PLB1: variants seen among roughly 807,000 people sequenced by gnomAD.
The protein encoded by PLB1 is phospholipase B1, membrane-associated.
A neutral mutation model predicts 227.4 loss-of-function variants in PLB1; 242 were observed. That is an observed-to-expected ratio of 1.06 (90% CI 0.96 to 1.18). PLB1 has a LOEUF of 1.18. Among genes scored for constraint, PLB1 ranks in the 50% most tolerant of loss-of-function variants. The probability of loss-of-function intolerance (pLI) is 0.00; values close to 1 mark genes in which losing one functional copy is unlikely to be tolerated. For synonymous variants in PLB1, 757 were observed against 682.2 expected (o/e 1.11, Z -1.71); for missense variants, 1,858 against 1,816.3 (o/e 1.02, Z -0.42).
chr2:28,568,393 G>A (rs1677422893), intron 20 of PLB1, among the ~76,000 whole-genome samples: 2 of 152,210 alleles, frequency 1.3e-5, no homozygotes, highest in African/African-American at 4.8e-5. Context: ...TACCCCACAG[G>A]TGGATGACTC....
chr2:28,562,379 T>C (rs982992405), intron 17 of PLB1, among the ~76,000 whole-genome samples: 1 of 151,336 alleles, frequency 6.6e-6, no homozygotes, highest in East Asian at 1.9e-4. Context: ...CTGTCTCTAC[T>C]AAAAATACAA....
chr2:28,625,048 C>T lies in PLB1; in HGVS notation c.3528-9C>T, dbSNP rs577795705. Reference sequence around the variant, plus strand: ...GGCACTAACGCCCCTCTCTCTACCCCCCACCTAGGGACATGCCAGCCCAGG... The same window carrying T: ...GGCACTAACGCCCCTCTCTCTACCCTCCACCTAGGGACATGCCAGCCCAGG... On this transcript the variant is annotated splice_polypyrimidine_tract_variant and intron_variant, in intron 49 of 57. Coordinates refer to ENST00000327757, the MANE Select transcript of PLB1 (RefSeq NM_153021.5). 5.6e-6 allele frequency: 9 copies of T among 1,613,174 alleles called. No individual in the cohort carries two copies. Among genetic ancestry groups the T allele is most frequent in the African/African-American group, 4.0e-5 (3 of 75,022 alleles).
At chr2:28,532,656 C>T (rs754510764) in intron 9 of PLB1, among the ~76,000 whole-genome samples, 13 of 152,142 alleles carry the variant, frequency 8.5e-5, no homozygotes, top group Non-Finnish European at 1.9e-4. Flanking sequence ...AGAAAATTAG[C>T]GTCCTAGTTG....
chr2:28,564,266 G>A (rs760321192), intron 18 of PLB1, among the ~76,000 whole-genome samples: 1 of 152,096 alleles, frequency 6.6e-6, no homozygotes, highest in Non-Finnish European at 1.5e-5. Flanking sequence ...GGTGAATGAA[G>A]CTGGGCAAGG....
intron 9 of PLB1, among the ~76,000 whole-genome samples, chr2:28,534,016 A>C (rs79774195): frequency 0.087 from 13,295 of 152,252 alleles, 696 homozygotes; most frequent in East Asian, 0.22. Context: ...CAAACCTCTT[A>C]CATATCTATA....
At chr2:28,593,958 T>TA (rs1553447275) in intron 33 of PLB1, 1 of 740,786 alleles carries the variant, frequency 1.3e-6, no homozygotes. Context: ...TTTTTTTTTT[T>TA]TTTGATTGTG....
intron 57 of PLB1, among the ~76,000 whole-genome samples, chr2:28,641,998 C>T (rs774474496): frequency 1.3e-5 from 2 of 152,094 alleles, no homozygotes; most frequent in African/African-American, 2.4e-5. Flanking sequence ...CACGACTGCC[C>T]GCATCCAGGC....
intron 34 of PLB1, among the ~76,000 whole-genome samples, 177 bp from the exon 35 acceptor site, chr2:28,598,475 G>T (rs79347386): frequency 0.048 from 7,296 of 152,212 alleles, 567 homozygotes; most frequent in African/African-American, 0.16. Context: ...ATCAGGTCAT[G>T]TCAACTTAGG....
intron 53 of PLB1, 133 bp from the exon 54 acceptor site, chr2:28,630,453 C>G: frequency 1.5e-6 from 1 of 648,378 alleles, no homozygotes; most frequent in South Asian, 2.2e-5. Flanking sequence ...GTGTCACCCC[C>G]CGCCCTAGGT....
intron 56 of PLB1, among the ~76,000 whole-genome samples, chr2:28,638,562 T>G (rs1368895986): frequency 6.6e-6 from 1 of 151,738 alleles, no homozygotes; most frequent in Admixed American, 6.6e-5. Context: ...GGAAGGGGGC[T>G]GAGAGTAGGG....
In PLB1 at chr2:28,600,866, T is replaced by G. The variant is rs1386810325; in HGVS notation, c.2526+6T>G. ...AGAAGATGAAAGATGATCATGTGAGTCAGATTTACTGTTATTTCTAAACAT... is the reference window on the plus strand; with the variant it reads ...AGAAGATGAAAGATGATCATGTGAGGCAGATTTACTGTTATTTCTAAACAT... On this transcript the variant is annotated splice_donor_region_variant and intron_variant, in intron 36 of 57. Transcript: ENST00000327757. The G allele has an allele frequency of 6.2e-7, 1 of 1,605,728 alleles. No individual in the cohort carries two copies. Among genetic ancestry groups the G allele is most frequent in the African/African-American group, 1.3e-5 (1 of 74,678 alleles).
At chr2:28,588,492 CAGTG>C (rs1681301149) in intron 26 of PLB1, among the ~76,000 whole-genome samples, 1 of 152,178 alleles carries the variant, frequency 6.6e-6, no homozygotes, top group Admixed American at 6.5e-5. Context: ...TGGGAAAAGA[CAGTG>C]TGTGGTGTCT....
At chr2:28,511,911 A>G (rs567202662) in intron 1 of PLB1, among the ~76,000 whole-genome samples, 103 of 150,286 alleles carry the variant, frequency 6.9e-4, no homozygotes, top group African/African-American at 2.5e-3. Flanking sequence ...CAGCCTTCCA[A>G]GTAGCTGGGA....
chr2:28,600,740 C>A, intron 35 of PLB1, 69 bp from the exon 36 acceptor site: 1 of 1,476,988 alleles, frequency 6.8e-7, no homozygotes, highest in South Asian at 1.1e-5. Flanking sequence ...GCCTCTGGTT[C>A]AGGCCCTCTA....
chr2:28,513,376 G>A (rs1384902039), intron 1 of PLB1, among the ~76,000 whole-genome samples: 2 of 152,190 alleles, frequency 1.3e-5, no homozygotes, highest in African/African-American at 4.8e-5. Context: ...TACTCCAAAG[G>A]TCTGTTTTAA....
chr2:28,540,178 A>G (rs892391437), intron 11 of PLB1, among the ~76,000 whole-genome samples, 188 bp from the exon 12 acceptor site: 4 of 150,146 alleles, frequency 2.7e-5, no homozygotes, highest in Non-Finnish European at 5.9e-5. Flanking sequence ...CCCATACCCA[A>G]CCCCCAAGAA....
At chr2:28,606,623 C>A in intron 43 of PLB1, 56 bp downstream of exon 43, 2 of 1,519,496 alleles carry the variant, frequency 1.3e-6, no homozygotes, top group Non-Finnish European at 1.8e-6. Flanking sequence ...CACAGCTCGC[C>A]CTACCCACTT....
chr2:28,500,307 A>G (rs1419344803), intron 1 of PLB1, among the ~76,000 whole-genome samples: 1 of 152,236 alleles, frequency 6.6e-6, no homozygotes, highest in African/African-American at 2.4e-5. Context: ...AGTGATGTTC[A>G]TGAATCCCCT....
intron 21 of PLB1, among the ~76,000 whole-genome samples, chr2:28,577,446 A>G (rs1461053474): frequency 2.0e-5 from 3 of 152,252 alleles, no homozygotes; most frequent in African/African-American, 7.2e-5. Context: ...GTGCCATGAC[A>G]TGTGCATGAT....
Sources: gnomAD v4.1 joint callset for allele counts (sites outside exome capture counted in the v4.1 genomes callset) on GRCh38, gnomAD v4.1.1 for gene constraint, MANE v1.5 for transcripts, NCBI Gene and HGNC (gene_info 2026-07-23, HGNC 2026-07-21) for gene names.